Variants in TNRC6B observed in about 807,000 individuals in gnomAD.
TNRC6B encodes trinucleotide repeat containing adaptor 6B.
A neutral mutation model predicts 203.6 loss-of-function variants in TNRC6B; 52 were observed. The observed-to-expected ratio is 0.26, with a 90% CI of 0.20 to 0.32. The LOEUF is 0.32. TNRC6B is among the 10% of genes least tolerant of loss of function. The pLI, the probability that TNRC6B is intolerant of heterozygous loss-of-function variation, is 1.00. For synonymous variants in TNRC6B, 838 were observed against 845.7 expected, an observed-to-expected ratio of 0.99 and a Z score of 0.16; for missense variants, 1,923 against 2,286.2, an observed-to-expected ratio of 0.84 and a Z score of 3.24.
At chr22:40,070,534 G>C (rs538986580) in intron 1 of TNRC6B, among the ~76,000 whole-genome samples, 50 of 152,200 alleles carry the variant, frequency 3.3e-4, no homozygotes, top group Middle Eastern at 3.4e-3. Context: ...GTTAAAATAA[G>C]ACTTAATGTT....
At chr22:40,253,682 G>T (rs1186615010) in intron 3 of TNRC6B, 2 of 456,288 alleles carry the variant, frequency 4.4e-6, no homozygotes, top group African/African-American at 4.0e-5. Flanking sequence ...TAGACAGCAA[G>T]TAAAAATACC....
At chr22:40,085,150 G>A (rs2068090650) in intron 1 of TNRC6B, among the ~76,000 whole-genome samples, 1 of 152,168 alleles carries the variant, frequency 6.6e-6, no homozygotes, top group South Asian at 2.1e-4. Context: ...GCTACCATGT[G>A]AGCACTTTGT....
At position 40,262,083 on chromosome 22, in the gene TNRC6B, G is replaced by T; in HGVS notation, c.367G>T (p.Gly123Trp). The change falls in exon 4 of 23, where the codon GGG (glycine) becomes TGG (tryptophan). Residue 123 changes from glycine (G) to tryptophan (W), a missense_variant. Gly to Trp is a radical substitution (Grantham distance 184, BLOSUM62 -2). This residue lies in a region of TNRC6B where 614 missense variants were observed against 587.7 expected (regional missense o/e 1.04). Coordinates refer to ENST00000454349, the MANE Select transcript of TNRC6B (RefSeq NM_001162501.2). ...CTGCATGCTCCTTGGGGGTGGGGCAGGGCCTCCTCCCTGCACAGCACCTGG... is the reference window on the plus strand; with the variant it reads ...CTGCATGCTCCTTGGGGGTGGGGCATGGCCTCCTCCCTGCACAGCACCTGG... ...PSCMLLGGGA[G>W]PPPCTAPGAN... 1 of 1,572,226 alleles carries T rather than the reference G, an allele frequency of 6.4e-7. No homozygotes were observed.
At chr22:40,279,878 A>G in intron 9 of TNRC6B, 117 bp from the exon 10 acceptor site, 1 of 806,026 alleles carries the variant, frequency 1.2e-6, no homozygotes, top group Non-Finnish European at 1.9e-6. Flanking sequence ...CCCCAGAAAT[A>G]GAAATATTAA....
intron 1 of TNRC6B, among the ~76,000 whole-genome samples, chr22:40,228,291 G>A (rs553154158): frequency 7.2e-5 from 11 of 151,956 alleles, no homozygotes; most frequent in African/African-American, 7.2e-5. Flanking sequence ...TTAGCCAGGT[G>A]TGGTGCTGGG....
intron 1 of TNRC6B, among the ~76,000 whole-genome samples, chr22:40,092,246 T>G (rs2068156594): frequency 6.6e-6 from 1 of 151,788 alleles, no homozygotes; most frequent in Admixed American, 6.6e-5. Flanking sequence ...CTACTAAAAA[T>G]ACAAAAATTA....
At chr22:40,237,297 GC>G (rs1286686785) in intron 1 of TNRC6B, among the ~76,000 whole-genome samples, 9 of 152,198 alleles carry the variant, frequency 5.9e-5, no homozygotes, top group Admixed American at 5.9e-4. Context: ...AGGGAACAGA[GC>G]AAGGAGAGCA....
At chr22:40,050,107 G>A (rs1470662429) in intron 1 of TNRC6B, among the ~76,000 whole-genome samples, 1 of 151,998 alleles carries the variant, frequency 6.6e-6, no homozygotes, top group African/African-American at 2.4e-5. Flanking sequence ...AATAAACTCT[G>A]TTATTTCAAA....
At chr22:40,320,123 A>G (rs1193947039) in intron 21 of TNRC6B, among the ~76,000 whole-genome samples, 2 of 152,130 alleles carry the variant, frequency 1.3e-5, no homozygotes, top group South Asian at 2.1e-4. Context: ...AATCTATTCA[A>G]TAGTAATCTG....
chr22:40,251,151 C>T (rs1444278317), intron 2 of TNRC6B, 28 bp from the exon 3 acceptor site: 1 of 1,524,616 alleles, frequency 6.6e-7, no homozygotes, highest in East Asian at 2.5e-5. Context: ...AAGCAAATCT[C>T]ATTTACTTTT....
intron 1 of TNRC6B, among the ~76,000 whole-genome samples, chr22:40,104,966 A>T (rs994204376): frequency 1.3e-5 from 2 of 152,162 alleles, no homozygotes; most frequent in Non-Finnish European, 2.9e-5. Flanking sequence ...CTCAGAGGAG[A>T]GGCACCCAAG....
chr22:40,181,813 T>C (rs977022735), intron 1 of TNRC6B, among the ~76,000 whole-genome samples: 3 of 151,974 alleles, frequency 2.0e-5, no homozygotes, highest in Non-Finnish European at 4.4e-5. Context: ...GCATGGTGGC[T>C]CACGCCTGTC....
intron 3 of TNRC6B, among the ~76,000 whole-genome samples, chr22:40,150,954 C>G (rs113193140): frequency 6.6e-5 from 10 of 152,278 alleles, no homozygotes; most frequent in African/African-American, 2.4e-4. Context: ...CTCCTACACA[C>G]ACATACACCC....
At chr22:40,080,957 AG>A (rs1307648507) in intron 1 of TNRC6B, among the ~76,000 whole-genome samples, 2 of 151,600 alleles carry the variant, frequency 1.3e-5, no homozygotes, top group African/African-American at 4.9e-5. Context: ...CCTGGGTTCA[AG>A]CGTTTCTCCT....
chr22:40,132,512 C>T (rs1251350229), intron 3 of TNRC6B, among the ~76,000 whole-genome samples: 11 of 140,380 alleles, frequency 7.8e-5, no homozygotes, highest in South Asian at 2.3e-4. Context: ...AGGGCGAGGG[C>T]GAGGGGCCTG....
rs58299651 is a variant in TNRC6B at position 40,058,453 on chromosome 22, T to C, written c.-121+13455T>C. 1.7e-3 allele frequency among the ~76,000 whole-genome samples: 252 copies of C among 151,528 alleles called. 3 individuals carry two copies. In the East Asian group the frequency reaches 0.04, roughly 24 times the overall value. ...ATGTGACACAATGTGCTTTAGCACA[T>C]TGTGGCGCCAGCCTGCGCTTCCTGA... On this transcript the variant is annotated intron_variant, in intron 1 of 23. Coordinates refer to the TNRC6B transcript ENST00000301923.
At chr22:40,274,087 G>A (rs2070604264) in intron 7 of TNRC6B, among the ~76,000 whole-genome samples, 1 of 152,122 alleles carries the variant, frequency 6.6e-6, no homozygotes, top group Non-Finnish European at 1.5e-5. Context: ...TTGAAACCTT[G>A]AACTATAAAA....
intron 1 of TNRC6B, among the ~76,000 whole-genome samples, chr22:40,074,461 A>T (rs1226018770): frequency 6.6e-6 from 1 of 151,824 alleles, no homozygotes; most frequent in Non-Finnish European, 1.5e-5. Context: ...CCTGGGAAAC[A>T]TATGAGACTT....
chr22:40,251,222 T>C (rs1601920745), intron 3 of TNRC6B, 22 bp downstream of exon 3: 1 of 1,515,546 alleles, frequency 6.6e-7, no homozygotes. Flanking sequence ...TTTTTCTTTT[T>C]AAATTATTTA....
Sources: gnomAD v4.1 joint callset for allele counts (sites outside exome capture counted in the v4.1 genomes callset) on GRCh38, gnomAD v4.1.1 for gene constraint, gnomAD v4.1.1 regional missense constraint, MANE v1.5 for transcripts, NCBI Gene and HGNC (gene_info 2026-07-23, HGNC 2026-07-21) for gene names.